The following EXOC3L4 variants were observed in gnomAD, a reference collection of about 807,000 sequenced individuals.
EXOC3L4 encodes exocyst complex component 3-like protein 4.
EXOC3L4 carries 62 observed loss-of-function variants against 69.7 expected under a neutral mutation model. The observed-to-expected ratio is 0.89, with a 90% CI of 0.72 to 1.10. The LOEUF is 1.10. EXOC3L4 is among the 50% of genes least tolerant of loss of function. The pLI, the probability that EXOC3L4 is intolerant of heterozygous loss-of-function variation, is 0.00. For synonymous variants in EXOC3L4, 502 were observed against 464.2 expected (o/e 1.08, Z -1.05); for missense variants, 1,087 against 1,034.8 (o/e 1.05, Z -0.69).
intron 2 of EXOC3L4, among the ~76,000 whole-genome samples, chr14:103,101,213 T>A (rs1288856467): frequency 6.6e-6 from 1 of 151,994 alleles, no homozygotes; most frequent in East Asian, 1.9e-4. Flanking sequence ...CCTAATTTTT[T>A]AAATTTGTTT....
Position 103,110,208 on chromosome 14 carries a change from G to T in EXOC3L4, c.2154G>T (p.Leu718=). Residue 718 remains leucine, a synonymous_variant, in exon 12 of 12, where the codon CTG becomes CTT. Coordinates refer to ENST00000688303, the MANE Select transcript of EXOC3L4 (RefSeq NM_001077594.2). ...EIKVPSAMAV[L]ITCV is the part of the protein sequence containing the mutation. ...AGGTGCCCAGTGCCATGGCTGTGCT[G>T]ATCACCTGCGTCTAGTTCTCTCTGG... The T allele has an allele frequency of 6.6e-7, 1 of 1,509,420 alleles. No homozygotes were observed. Among genetic ancestry groups the T allele is most frequent in the South Asian group, 1.3e-5 (1 of 78,246 alleles). The allele number at this position is 1,509,420 out of a possible 1,614,324, so 93.5% of individuals were successfully genotyped here.
At position 103,100,579 on chromosome 14, in the gene EXOC3L4, T is replaced by C. The variant is rs774215259; in HGVS notation, c.360T>C (p.Thr120=). Residue 120 remains threonine, a synonymous_variant, in exon 2 of 12, where the codon ACT becomes ACC. Coordinates refer to ENST00000688303, the MANE Select transcript of EXOC3L4 (RefSeq NM_001077594.2). The stretch of plus-strand genomic sequence containing the variant: ...ATGGTGTCAGCCAGCAGGCATCCAC[T>C]GGGGCAGCGTCTGAGGAACTGAAAC... The part of the protein sequence containing the change: ...VMNGVSQQAS[T]GAASEELKPE... 2 of 1,607,486 alleles carry C rather than the reference T, an allele frequency of 1.2e-6. No individual in the cohort carries two copies. The highest frequency in any genetic ancestry group is 1.1e-5 in the South Asian group (1 of 90,680).
At position 103,102,289 on chromosome 14, in the gene EXOC3L4, T is replaced by A. The variant is rs377591248; in HGVS notation, c.566T>A (p.Leu189Gln). The A allele has an allele frequency of 7.0e-6, 11 of 1,577,278 alleles. No homozygotes were observed. In the African/African-American group the frequency reaches 1.5e-4, roughly 21 times the overall value. The change falls in exon 3 of 12, where the codon CTG becomes CAG. Residue 189 changes from leucine (L) to glutamine (Q), a missense_variant. Physicochemically the swap from Leu to Gln is moderately radical, Grantham distance 113 (BLOSUM62 -2). Transcript: ENST00000688303. Reference sequence around the variant, plus strand: ...GACGTGTGCCTGCTTTACGACGGGCTGGCAGCCGAGATCGGCGCCATCGTG... The same window carrying A: ...GACGTGTGCCTGCTTTACGACGGGCAGGCAGCCGAGATCGGCGCCATCGTG... Reference protein sequence around the residue: ...AMDVCLLYDGLAAEIGAIVRE... With the variant: ...AMDVCLLYDGQAAEIGAIVRE...
At chr14:103,107,220 A>G (rs1354590093) in intron 8 of EXOC3L4, among the ~76,000 whole-genome samples, 1 of 152,166 alleles carries the variant, frequency 6.6e-6, no homozygotes, top group African/African-American at 2.4e-5. Context: ...ATCTGACTGC[A>G]CAGACTCAAA....
chr14:103,097,084 G>A lies in EXOC3L4; in HGVS notation c.-17+2244G>A, dbSNP rs11628185. On this transcript the variant is annotated intron_variant, in intron 1 of 11. Transcript: ENST00000688303. The surrounding 1 kb of genome is among the most constrained non-coding windows in gnomAD (Gnocchi z 4.9). ...GATTGGGAGGATGAGGAGCAGCTAC[G>A]GGAGGGAAGGTCTAGGGGAAAGCGG... Among the ~76,000 whole-genome samples the A allele has an allele frequency of 0.39, 58,042 of 150,030 alleles. 11,757 individuals are homozygous for A. The highest frequency in any genetic ancestry group is 0.6 in the East Asian group (2,997 of 4,986).
intron 11 of EXOC3L4, 39 bp downstream of exon 11, chr14:103,108,556 G>A (rs1890716066): frequency 6.2e-7 from 1 of 1,602,624 alleles, no homozygotes; most frequent in Admixed American, 1.7e-5. Flanking sequence ...TCCTACCAGA[G>A]CTTCAGGGCC....
upstream of EXOC3L4, among the ~76,000 whole-genome samples, chr14:103,094,483 C>G (rs1308812082): frequency 6.6e-6 from 1 of 152,170 alleles, no homozygotes; most frequent in African/African-American, 2.4e-5. Context: ...CAGCGTCCAC[C>G]CCCTGCTGCC....
In EXOC3L4 at chr14:103,110,241, G is replaced by C. The variant is rs369045046; in HGVS notation, c.*18G>C. Reference sequence around the variant, plus strand: ...GCGTCTAGTTCTCTCTGGCTCGAGGGGGGGCCGGCCGCTGGCAGGGAGCTG... The same window carrying C: ...GCGTCTAGTTCTCTCTGGCTCGAGGCGGGGCCGGCCGCTGGCAGGGAGCTG... On this transcript the variant is annotated 3_prime_UTR_variant, in exon 12 of 12. Coordinates refer to ENST00000688303, the MANE Select transcript of EXOC3L4 (RefSeq NM_001077594.2). 1.3e-5 allele frequency: 20 copies of C among 1,497,896 alleles called. No individual in the cohort carries two copies. In the Admixed American group the frequency reaches 2.2e-4, roughly 17 times the overall value. The allele number at this position is 1,497,896 out of a possible 1,614,324, so 92.8% of individuals were successfully genotyped here. A position where few individuals can be genotyped will look rare whatever the true frequency, so the allele number is the denominator to read the frequency against.
intron 7 of EXOC3L4, 97 bp downstream of exon 7, chr14:103,105,169 G>A: frequency 8.1e-7 from 1 of 1,240,418 alleles, no homozygotes. Flanking sequence ...CGCGTGGAGG[G>A]GGCAGAGGTG....
chr14:103,107,281 G>A (rs996285406), intron 8 of EXOC3L4, 143 bp from the exon 9 acceptor site: 68 of 1,320,872 alleles, frequency 5.1e-5, no homozygotes, highest in South Asian at 1.6e-4. Context: ...GAAAGGGCTC[G>A]TGACATAACC....
rs897589802 is a variant in EXOC3L4, at chr14:103,110,359, G to A, written c.*136G>A. 29 of 1,038,810 alleles carry A rather than the reference G, an allele frequency of 2.8e-5. No homozygotes were observed. Among genetic ancestry groups the A allele is most frequent in the African/African-American group, 2.7e-4 (17 of 63,234 alleles). The allele number at this position is 1,038,810 out of a possible 1,614,324, so 64.3% of individuals were successfully genotyped here. Reference sequence around the variant, plus strand: ...AGTTAGGGAATTTTTGTCGTCAGCAGCCAAGCGCAGCTGTCAGGCCAGAAG... The same window carrying A: ...AGTTAGGGAATTTTTGTCGTCAGCAACCAAGCGCAGCTGTCAGGCCAGAAG... On this transcript the variant is annotated 3_prime_UTR_variant, in exon 12 of 12. Coordinates refer to ENST00000688303, the MANE Select transcript of EXOC3L4 (RefSeq NM_001077594.2).
chr14:103,108,616 G>A, intron 11 of EXOC3L4, 99 bp downstream of exon 11: 2 of 1,501,222 alleles, frequency 1.3e-6, no homozygotes, highest in African/African-American at 1.4e-5. Context: ...CTGCCCAGGG[G>A]CCTGAAGACC....
In EXOC3L4 at chr14:103,100,198, C is replaced by T; in HGVS notation, c.-16-6C>T. On this transcript the variant is annotated splice_region_variant and splice_polypyrimidine_tract_variant and intron_variant, in intron 1 of 11. Coordinates refer to ENST00000688303, the MANE Select transcript of EXOC3L4 (RefSeq NM_001077594.2). ...TGCTCCTATGGCCACTCCTTCTTGC[C>T]CCCAGCTCTCCTGCTGCCAAGATGC... 2 of 1,550,562 alleles carry T rather than the reference C, an allele frequency of 1.3e-6. No individual in the cohort carries two copies. Among genetic ancestry groups the T allele is most frequent in the South Asian group, 1.2e-5 (1 of 82,468 alleles).
In EXOC3L4 at chr14:103,104,222, G is replaced by A. The variant is rs375085065; in HGVS notation, c.1162-45G>A. ...GCCCTCATCCCGGACGGCGCGGGAC[G>A]GGGTCTGGGAGGGTCTCACCACGGC... is the stretch of plus-strand genomic sequence containing the variant. On this transcript the variant is annotated intron_variant, in intron 4 of 11. Transcript: ENST00000688303. 6.4e-5 allele frequency: 96 copies of A among 1,508,316 alleles called. No homozygotes were observed. The African/African-American group carries it at 1.2e-3, about 19-fold the overall frequency. 93.4% of individuals were successfully genotyped at this position (1,508,316 alleles called of 1,614,324 possible). A position where few individuals can be genotyped will look rare whatever the true frequency, so the allele number is the denominator to read the frequency against.
rs562599153 is a variant in EXOC3L4 at position 103,110,044 on chromosome 14, C to G, written c.1990C>G (p.Leu664Val). Residue 664 changes from leucine (L) to valine (V), a missense_variant, in exon 12 of 12, where the codon CTG (leucine) becomes GTG (valine). Leu to Val is a conservative substitution (Grantham distance 32). Transcript: ENST00000688303. ...SYPDIRRDHI[L>V]AILALRRLGR... ...ATGTCTCTGCAGGCGGGACCACATA[C>G]TGGCCATTCTGGCGCTGCGCCGACT... is the stretch of plus-strand genomic sequence containing the variant. 1 of 1,597,422 alleles carries G rather than the reference C, an allele frequency of 6.3e-7. No individual in the cohort carries two copies. The highest frequency in any genetic ancestry group is 8.5e-7 in the Non-Finnish European group (1 of 1,172,796).
intron 8 of EXOC3L4, 22 bp from the exon 9 acceptor site, chr14:103,107,402 C>G (rs982423852): frequency 5.6e-6 from 9 of 1,609,894 alleles, no homozygotes; most frequent in Non-Finnish European, 7.6e-6. Flanking sequence ...CATTTGCAGA[C>G]TCCCAGCCCC....
At chr14:103,102,012 G>T (rs1039597234) in intron 2 of EXOC3L4, 106 bp from the exon 3 acceptor site, 2 of 1,224,094 alleles carry the variant, frequency 1.6e-6, no homozygotes, top group Non-Finnish European at 2.3e-6. Flanking sequence ...TCTGGCAGAG[G>T]ACAGACAATC....
In EXOC3L4 at chr14:103,100,342, C is replaced by T. The variant is rs146747699; in HGVS notation, c.123C>T (p.His41=). The change falls in exon 2 of 12, where the codon CAC becomes CAT. Residue 41 remains histidine, a synonymous_variant. Coordinates refer to ENST00000688303, the MANE Select transcript of EXOC3L4 (RefSeq NM_001077594.2). ...GCAGCAGGAAAGAGCCCAATGCCCA[C>T]CGCAAGGATGGCACAAGGCTGGGCC... The part of the protein sequence containing the change: ...RTSSRKEPNA[H]RKDGTRLGLG... 5 of 1,599,288 alleles carry T rather than the reference C, an allele frequency of 3.1e-6. No individual in the cohort carries two copies. The African/African-American group carries it at 6.7e-5, about 21-fold the overall frequency.
At chr14:103,094,382 C>T (rs1386123498), upstream of EXOC3L4, among the ~76,000 whole-genome samples, 1 of 152,172 alleles carries the variant, frequency 6.6e-6, no homozygotes, top group Non-Finnish European at 1.5e-5. Flanking sequence ...TTCTGGGCTC[C>T]GGCACTGTGG....
Sources: allele counts gnomAD v4.1 joint callset (sites outside exome capture counted in the v4.1 genomes callset), GRCh38; gene constraint gnomAD v4.1.1; non-coding constraint Gnocchi (gnomAD v3.1); transcripts MANE v1.5; gene names NCBI Gene and HGNC (gene_info 2026-07-23, HGNC 2026-07-21).